CCDC6: variants seen among roughly 807,000 people sequenced by gnomAD.
CCDC6 encodes the protein coiled-coil domain-containing protein 6.
CCDC6 carries 20 observed loss-of-function variants against 56.6 expected under a neutral mutation model. The observed-to-expected ratio is 0.35, with a 90% CI of 0.25 to 0.51. The LOEUF (loss-of-function observed/expected upper bound fraction) is 0.51. Among genes scored for constraint, CCDC6 ranks in the 20% least tolerant of loss-of-function variants. The pLI, the probability that CCDC6 is intolerant of heterozygous loss-of-function variation, is 0.95. For synonymous variants in CCDC6, 241 were observed against 234.4 expected (o/e 1.03, Z -0.26); for missense variants, 367 against 601.1 (o/e 0.61, Z 4.07).
Position 59,885,922 on chromosome 10 carries a change from GCC to G in CCDC6, c.303+20198_303+20199del, listed in dbSNP as rs746911710. ...ATGTCTATTTCCAACCCCGCCCCCC[GCC>G]CCCCCAACTAGAATATCAGCTGCCA... is the stretch of plus-strand genomic sequence containing the variant. On this transcript the variant is annotated intron_variant, in intron 1 of 8. Coordinates refer to ENST00000263102, the MANE Select transcript of CCDC6 (RefSeq NM_005436.5). Among the ~76,000 whole-genome samples the G allele has an allele frequency of 2.5e-4, 5 of 19,824 alleles. 1 individual carries two copies. The highest frequency in any genetic ancestry group is 2.2e-3 in the South Asian group (1 of 452). The allele number at this position is 19,824 out of a possible 152,430, so 13.0% of individuals were successfully genotyped here. A position where few individuals can be genotyped will look rare whatever the true frequency, so the allele number is the denominator to read the frequency against.
chr10:59,864,950 G>C (rs1313574204), intron 1 of CCDC6, among the ~76,000 whole-genome samples: 1 of 152,170 alleles, frequency 6.6e-6, no homozygotes, highest in Non-Finnish European at 1.5e-5. Context: ...TCGGTGTTCT[G>C]TGTTTGTGAT....
At chr10:59,861,906 G>A (rs775740284) in intron 1 of CCDC6, among the ~76,000 whole-genome samples, 6 of 152,148 alleles carry the variant, frequency 3.9e-5, no homozygotes, top group Non-Finnish European at 5.9e-5. Flanking sequence ...GAGAAGATAT[G>A]GCGAAAGTTT....
intron 2 of CCDC6, among the ~76,000 whole-genome samples, chr10:59,838,053 T>G (rs1233624970): frequency 1.3e-5 from 2 of 152,184 alleles, no homozygotes; most frequent in Non-Finnish European, 2.9e-5. Flanking sequence ...TCAGCTGTGC[T>G]ACTGAGCAGA....
At chr10:59,807,124 ATCC>A in intron 5 of CCDC6, 46 bp from the exon 6 acceptor site, 3 of 1,569,424 alleles carry the variant, frequency 1.9e-6, no homozygotes, top group Admixed American at 3.5e-5. Context: ...ATGCAATCAT[ATCC>A]AAATCTAAAA....
intron 5 of CCDC6, among the ~76,000 whole-genome samples, chr10:59,809,058 T>C (rs1200769280): frequency 7.2e-5 from 11 of 152,200 alleles, no homozygotes; most frequent in Admixed American, 7.2e-4. Flanking sequence ...ACACTTTTAA[T>C]ATAAACGATT....
At chr10:59,795,519 A>T (rs540055895) in intron 7 of CCDC6, among the ~76,000 whole-genome samples, 1 of 151,784 alleles carries the variant, frequency 6.6e-6, no homozygotes, top group Non-Finnish European at 1.5e-5. Context: ...CATGTGCACA[A>T]TGTGCAGGTT....
chr10:59,793,795 T>C (rs1337870340), intron 8 of CCDC6, among the ~76,000 whole-genome samples: 2 of 150,620 alleles, frequency 1.3e-5, no homozygotes, highest in Admixed American at 1.3e-4. Context: ...AAAAAGTTCC[T>C]ACTTTTACAT....
intron 1 of CCDC6, among the ~76,000 whole-genome samples, chr10:59,896,923 T>C (rs1258685958): frequency 6.7e-6 from 1 of 149,924 alleles, no homozygotes; most frequent in Non-Finnish European, 1.5e-5. Context: ...ATAAACCCCA[T>C]GCATGCAAGG....
At chr10:59,794,384 T>C in intron 8 of CCDC6, 89 bp downstream of exon 8, 2 of 1,346,762 alleles carry the variant, frequency 1.5e-6, no homozygotes, top group East Asian at 2.4e-5. Context: ...GAAGGGCAAA[T>C]GTCTAAGGGC....
intron 2 of CCDC6, among the ~76,000 whole-genome samples, chr10:59,851,428 A>G (rs187483490): frequency 3.0e-4 from 46 of 152,306 alleles, no homozygotes; most frequent in Admixed American, 2.8e-3. Context: ...TTCACATTTC[A>G]GTAACTACCA....
chr10:59,844,977 C>G (rs890144592), intron 2 of CCDC6, among the ~76,000 whole-genome samples: 3 of 152,132 alleles, frequency 2.0e-5, no homozygotes, highest in Non-Finnish European at 2.9e-5. Flanking sequence ...CAGGATATAA[C>G]TCCGTATTTT....
intron 8 of CCDC6, 90 bp from the exon 9 acceptor site, chr10:59,793,201 A>G: frequency 2.1e-6 from 2 of 966,602 alleles, no homozygotes; most frequent in Non-Finnish European, 3.2e-6. Flanking sequence ...GGGGCTAATC[A>G]AACACTAACC....
chr10:59,804,683 A>G (rs1027379102), intron 6 of CCDC6, 163 bp from the exon 7 acceptor site: 5 of 581,844 alleles, frequency 8.6e-6, no homozygotes, highest in African/African-American at 3.7e-5. Flanking sequence ...CTCCTGAGTC[A>G]CACCGCTCTG....
In CCDC6 at chr10:59,789,982, T is replaced by C. The variant is rs2070453963; in HGVS notation, c.*2935A>G. On this transcript the variant is annotated 3_prime_UTR_variant, in exon 9 of 9. Coordinates refer to ENST00000263102, the MANE Select transcript of CCDC6 (RefSeq NM_005436.5). ...GGTCACACATTCATTCCATGGTTGCTAGTCAGTATCTCAGGAGCTCAGAAT... is the reference window on the plus strand; with the variant it reads ...GGTCACACATTCATTCCATGGTTGCCAGTCAGTATCTCAGGAGCTCAGAAT... The C allele has an allele frequency of 4.6e-6, 1 of 217,004 alleles. No individual in the cohort carries two copies. The highest frequency in any genetic ancestry group is 9.3e-6 in the Non-Finnish European group (1 of 107,604). The allele number at this position is 217,004 out of a possible 1,614,324, so 13.4% of individuals were successfully genotyped here. A position where few individuals can be genotyped will look rare whatever the true frequency, so the allele number is the denominator to read the frequency against.
chr10:59,848,486 C>G (rs527898655), intron 2 of CCDC6, among the ~76,000 whole-genome samples: 23 of 152,258 alleles, frequency 1.5e-4, no homozygotes, highest in African/African-American at 5.3e-4. Context: ...CAAGACCAGC[C>G]TGGCCAATGT....
At chr10:59,894,942 G>A (rs1242338186) in intron 1 of CCDC6, among the ~76,000 whole-genome samples, 1 of 152,174 alleles carries the variant, frequency 6.6e-6, no homozygotes, top group Non-Finnish European at 1.5e-5. Context: ...GAGCAGCCCT[G>A]ACTATCCTAA....
chr10:59,877,164 G>A (rs2071291219), intron 1 of CCDC6, among the ~76,000 whole-genome samples: 1 of 152,150 alleles, frequency 6.6e-6, no homozygotes. Flanking sequence ...AATCATCTCA[G>A]CAGATGCAAA....
intron 2 of CCDC6, among the ~76,000 whole-genome samples, chr10:59,849,257 G>A (rs1001514146): frequency 3.3e-5 from 5 of 152,170 alleles, no homozygotes; most frequent in South Asian, 4.1e-4. Context: ...GAGTTCTCAC[G>A]AGATAAAGAT....
intron 1 of CCDC6, among the ~76,000 whole-genome samples, chr10:59,859,688 T>C (rs2071111022): frequency 6.6e-6 from 1 of 152,040 alleles, no homozygotes; most frequent in Non-Finnish European, 1.5e-5. Flanking sequence ...AATGAAAAGA[T>C]TTAATACACA....
Sources: allele counts gnomAD v4.1 joint callset (sites outside exome capture counted in the v4.1 genomes callset), GRCh38; gene constraint gnomAD v4.1.1; transcripts MANE v1.5; gene names NCBI Gene and HGNC (gene_info 2026-07-23, HGNC 2026-07-21).